The following RAET1E variants were observed in gnomAD, a reference collection of about 807,000 sequenced individuals.
RAET1E encodes NKG2D ligand 4.
Under a neutral mutation model 21.1 loss-of-function variants are expected in RAET1E, and 27 were observed. The ratio of observed to expected loss-of-function variants is 1.28; its 90% confidence interval spans 0.94 to 1.76. The LOEUF (loss-of-function observed/expected upper bound fraction) is 1.76, where lower values mean the gene tolerates loss of function less well. Among genes scored for constraint, RAET1E ranks in the 40% most tolerant of loss-of-function variants. The probability of loss-of-function intolerance (pLI) is 0.00; values close to 1 mark genes in which losing one functional copy is unlikely to be tolerated. For missense variants in RAET1E, 310 were observed against 311.3 expected, an observed-to-expected ratio of 1.00 and a Z score of 0.03; for synonymous variants, 113 against 115.0, an observed-to-expected ratio of 0.98 and a Z score of 0.11.
At position 149,884,480 on chromosome 6, in the gene RAET1E, T is replaced by TTCACCTAGAAG; in HGVS notation, c.*4017_*4018insCTTCTAGGTGA. The TTCACCTAGAAG allele has an allele frequency of 6.5e-7, 1 of 1,535,884 alleles. No individual in the cohort carries two copies. The highest frequency in any genetic ancestry group is 8.7e-7 in the Non-Finnish European group (1 of 1,146,766). On this transcript the variant is annotated 3_prime_UTR_variant, in exon 6 of 6. Transcript: ENST00000357183. ...GGTGAACAACTCTGCGCCGCCGTGG[T>TTCACCTAGAAG]ATCACCTCTAGGTGGATCTTCTGCC... is the stretch of plus-strand genomic sequence containing the variant.
rs945754361 is a variant in RAET1E at position 149,888,681 on chromosome 6, A to T, written c.623-14T>A. On this transcript the variant is annotated splice_polypyrimidine_tract_variant and intron_variant, in intron 5 of 5. Coordinates refer to ENST00000357183, the MANE Select transcript of RAET1E (RefSeq NM_001394057.1). ...TTACTGGTGACACTAAAAAAAAAAA[A>T]AAAAAGAAAAAAAAGCACAAGCCCT... The T allele has an allele frequency of 6.4e-7, 1 of 1,556,034 alleles. No homozygotes were observed. Among genetic ancestry groups the T allele is most frequent in the Middle Eastern group, 1.9e-4 (1 of 5,336 alleles).
intron 5 of RAET1E, 83 bp downstream of exon 5, chr6:149,889,265 C>G (rs527677436): frequency 2.6e-6 from 4 of 1,546,032 alleles, no homozygotes; most frequent in Non-Finnish European, 3.5e-6. Flanking sequence ...AATTTTCTAT[C>G]GCACACACAC....
chr6:149,889,752 A>G (rs919092312), intron 4 of RAET1E, 129 bp from the exon 5 acceptor site: 8 of 1,479,228 alleles, frequency 5.4e-6, no homozygotes, highest in East Asian at 2.3e-5. Flanking sequence ...TTTCCTGCCC[A>G]TTGGGTCCCA....
intron 5 of RAET1E, 83 bp from the exon 6 acceptor site, chr6:149,888,750 C>A (rs1311936189): frequency 1.3e-5 from 19 of 1,489,288 alleles, no homozygotes; most frequent in Non-Finnish European, 1.6e-5. Context: ...TTCCTTAGCC[C>A]CTGCTTTCCC....
rs1777519348 is a variant in RAET1E at position 149,884,391 on chromosome 6, C to T, written c.*4107G>A. On this transcript the variant is annotated 3_prime_UTR_variant, in exon 6 of 6. Coordinates refer to ENST00000357183, the MANE Select transcript of RAET1E (RefSeq NM_001394057.1). ...CGATCTCCGCTCATTGCAGGCTCCG[C>T]CTCCACTTGACTCAGGGAACACACA... 42 of 1,143,786 alleles carry T rather than the reference C, an allele frequency of 3.7e-5. No homozygotes were observed. In the South Asian group the frequency reaches 5.4e-4, roughly 15 times the overall value. 70.9% of individuals were successfully genotyped at this position (1,143,786 alleles called of 1,614,324 possible).
intron 3 of RAET1E, among the ~76,000 whole-genome samples, chr6:149,890,369 A>G (rs552504703): frequency 6.6e-6 from 1 of 152,302 alleles, no homozygotes; most frequent in South Asian, 2.1e-4. Flanking sequence ...CTTAGTGTTA[A>G]TGGTGTTAAC....
At chr6:149,891,812 G>A (rs1361825544) in intron 2 of RAET1E, among the ~76,000 whole-genome samples, 2 of 152,152 alleles carry the variant, frequency 1.3e-5, no homozygotes, top group African/African-American at 4.8e-5. Flanking sequence ...ACGTGCCCTG[G>A]TAGTTTGCTG....
chr6:149,888,874 C>G (rs558545004), intron 5 of RAET1E, among the ~76,000 whole-genome samples: 2 of 152,126 alleles, frequency 1.3e-5, no homozygotes. Context: ...GCTCAGATTT[C>G]TACTGAGAGA....
At position 149,884,517 on chromosome 6, in the gene RAET1E, G is replaced by A; in HGVS notation, c.*3981C>T. 6.5e-7 allele frequency: 1 copy of A among 1,535,928 alleles called. No individual in the cohort carries two copies. The highest frequency in any genetic ancestry group is 8.7e-7 in the Non-Finnish European group (1 of 1,146,766). ...GTGGATCTTCTGCCTTTAGGAAGGA[G>A]ACAAAAGAGTGCAGAACCCTGGGTC... On this transcript the variant is annotated 3_prime_UTR_variant, in exon 6 of 6. Coordinates refer to ENST00000357183, the MANE Select transcript of RAET1E (RefSeq NM_001394057.1).
Position 149,886,908 on chromosome 6 carries a change from G to T in RAET1E, c.*1590C>A, listed in dbSNP as rs905189715. Among the ~76,000 whole-genome samples, 2 of 152,232 alleles carry T rather than the reference G, an allele frequency of 1.3e-5. No individual in the cohort carries two copies. Among genetic ancestry groups the T allele is most frequent in the Non-Finnish European group, 2.9e-5 (2 of 68,054 alleles). On this transcript the variant is annotated 3_prime_UTR_variant, in exon 6 of 6. Coordinates refer to ENST00000357183, the MANE Select transcript of RAET1E (RefSeq NM_001394057.1). ...ACAAAGCTCTTTTTCCCTGGGTGCT[G>T]CTCTTCCCCGTGACAGAGAAATCCA...
In RAET1E at chr6:149,884,048, T is replaced by A. The variant is rs543568401; in HGVS notation, c.*4450A>T. The A allele has an allele frequency of 6.1e-6, 1 of 163,308 alleles. No homozygotes were observed. Among genetic ancestry groups the A allele is most frequent in the African/African-American group, 2.4e-5 (1 of 41,776 alleles). The allele number at this position is 163,308 out of a possible 1,614,324, so 10.1% of individuals were successfully genotyped here. Reference sequence around the variant, plus strand: ...TCCCCCAATTTCCTCTTATTTTCCATTTTTCCTCTCTGTTCTTTGCTTATC... The same window carrying A: ...TCCCCCAATTTCCTCTTATTTTCCAATTTTCCTCTCTGTTCTTTGCTTATC... On this transcript the variant is annotated 3_prime_UTR_variant, in exon 6 of 6. Transcript: ENST00000357183.
rs201991049 is a variant in RAET1E, at chr6:149,888,714, A to T, written c.623-47T>A. On this transcript the variant is annotated intron_variant, in intron 5 of 5. Coordinates refer to ENST00000357183, the MANE Select transcript of RAET1E (RefSeq NM_001394057.1). ...AAAAAAAGCACAAGCCCTGTCACAT[A>T]AAAAAAAAAAGCATAAAAATATGCT... 6 of 167,152 alleles carry T rather than the reference A, an allele frequency of 3.6e-5. No individual in the cohort carries two copies. The East Asian group carries it at 0.02, about 569-fold the overall frequency. The allele number at this position is 167,152 out of a possible 1,614,324, so 10.4% of individuals were successfully genotyped here. A position where few individuals can be genotyped will look rare whatever the true frequency, so the allele number is the denominator to read the frequency against.
intron 2 of RAET1E, among the ~76,000 whole-genome samples, chr6:149,893,203 T>C (rs1777981138): frequency 6.6e-6 from 1 of 152,240 alleles, no homozygotes; most frequent in Non-Finnish European, 1.5e-5. Context: ...TGGTTCCATA[T>C]GAAGTTTAAA....
In RAET1E at chr6:149,886,628, C is replaced by G. The variant is rs1427309420; in HGVS notation, c.*1870G>C. Among the ~76,000 whole-genome samples the G allele has an allele frequency of 2.0e-5, 3 of 152,226 alleles. No homozygotes were observed. The highest frequency in any genetic ancestry group is 7.2e-5 in the African/African-American group (3 of 41,464). On this transcript the variant is annotated 3_prime_UTR_variant, in exon 6 of 6. Transcript: ENST00000357183. ...CAGGCTGGTCTCGAACTCCTGACCT[C>G]AAATGATCCACCCAACTTGGCCTCC...
rs1275220362 is a variant in RAET1E, at chr6:149,886,279, C to T, written c.*2219G>A. 6.6e-6 allele frequency among the ~76,000 whole-genome samples: 1 copy of T among 152,162 alleles called. No homozygotes were observed. Among genetic ancestry groups the T allele is most frequent in the Non-Finnish European group, 1.5e-5 (1 of 68,022 alleles). On this transcript the variant is annotated 3_prime_UTR_variant, in exon 6 of 6. Transcript: ENST00000357183. ...TATTTGGAAGCATATTATTTGATAT[C>T]CAAACATTTGAGGATTTTTCCAGAT...
intron 2 of RAET1E, among the ~76,000 whole-genome samples, chr6:149,894,818 T>G (rs1394559302): frequency 1.3e-5 from 2 of 152,216 alleles, no homozygotes; most frequent in Non-Finnish European, 2.9e-5. Flanking sequence ...GTTCCATTGC[T>G]GGCGAGGAGT....
At position 149,885,275 on chromosome 6, in the gene RAET1E, T is replaced by A. The variant is rs1416758782; in HGVS notation, c.*3223A>T. On this transcript the variant is annotated 3_prime_UTR_variant, in exon 6 of 6. Coordinates refer to ENST00000357183, the MANE Select transcript of RAET1E (RefSeq NM_001394057.1). ...TGCCAAACCGCTGTGGATGCATTAATTTGGAAAGGTCCCTGTTCACCTCAG... is the reference window on the plus strand; with the variant it reads ...TGCCAAACCGCTGTGGATGCATTAAATTGGAAAGGTCCCTGTTCACCTCAG... Among the ~76,000 whole-genome samples, 1 of 152,066 alleles carries A rather than the reference T, an allele frequency of 6.6e-6. No individual in the cohort carries two copies. The highest frequency in any genetic ancestry group is 1.5e-5 in the Non-Finnish European group (1 of 68,012).
intron 4 of RAET1E, 110 bp downstream of exon 4, chr6:149,889,775 G>A (rs1177803687): frequency 1.3e-6 from 2 of 1,493,286 alleles, no homozygotes; most frequent in Non-Finnish European, 1.8e-6. Context: ...TGCCTCTATG[G>A]TTGGGCCAAT....
In RAET1E at chr6:149,889,062, A is replaced by G; in HGVS notation, c.622+286T>C. The G allele has an allele frequency of 2.2e-6, 3 of 1,377,334 alleles. No individual in the cohort carries two copies. The South Asian group carries it at 5.2e-5, about 24-fold the overall frequency. 85.3% of individuals were successfully genotyped at this position (1,377,334 alleles called of 1,614,324 possible). A position where few individuals can be genotyped will look rare whatever the true frequency, so the allele number is the denominator to read the frequency against. Reference sequence around the variant, plus strand: ...TATAATAGAGGAAGAGAAGGCCTGGATGTTTGCAATGACACAGATAGACTT... The same window carrying G: ...TATAATAGAGGAAGAGAAGGCCTGGGTGTTTGCAATGACACAGATAGACTT... On this transcript the variant is annotated intron_variant, in intron 5 of 5. Transcript: ENST00000357183.
Sources: allele counts gnomAD v4.1 joint callset (sites outside exome capture counted in the v4.1 genomes callset), GRCh38; gene constraint gnomAD v4.1.1; transcripts MANE v1.5; gene names NCBI Gene and HGNC (gene_info 2026-07-23, HGNC 2026-07-21).